LYST: variants seen among roughly 807,000 people sequenced by gnomAD.
The protein encoded by LYST is lysosomal trafficking regulator.
LYST carries 192 observed loss-of-function variants against 413.6 expected under a neutral mutation model. The ratio of observed to expected loss-of-function variants is 0.46; its 90% CI spans 0.41 to 0.52. The LOEUF (loss-of-function observed/expected upper bound fraction) is 0.52, where lower values mean the gene tolerates loss of function less well. Ranked by LOEUF, LYST falls within the 20% of genes least tolerant of loss-of-function variation. The pLI, the probability that LYST is intolerant of heterozygous loss-of-function variation, is 0.00. For missense variants in LYST, 3,815 were observed against 4,499.9 expected, an observed-to-expected ratio of 0.85 and a Z score of 4.35; for synonymous variants, 1,525 against 1,567.3, an observed-to-expected ratio of 0.97 and a Z score of 0.64.
At chr1:235,695,628 A>AGT (rs1491168661) in intron 46 of LYST, among the ~76,000 whole-genome samples, 1 of 85,254 alleles carries the variant, frequency 1.2e-5, no homozygotes, top group African/African-American at 5.0e-5. Context: ...ACAGTACTCT[A>AGT]ATTTTTTTTT....
intron 47 of LYST, among the ~76,000 whole-genome samples, chr1:235,691,701 T>A (rs575030364): frequency 6.8e-6 from 1 of 146,888 alleles, no homozygotes; most frequent in Admixed American, 6.8e-5. Context: ...GATTCTCTCT[T>A]TTTTTTTTTT....
chr1:235,758,910 T>C lies in LYST; in HGVS notation c.6881+62A>G. On this transcript the variant is annotated intron_variant, in intron 23 of 52. Coordinates refer to ENST00000389793, the MANE Select transcript of LYST (RefSeq NM_000081.4). ...CATAATGAAGACGTTTCCAGAGGGG[T>C]AGAGAGTCTTTAAAGAATAGTAAAA... 4.7e-6 allele frequency: 7 copies of C among 1,502,782 alleles called. No homozygotes were observed. The South Asian group carries it at 8.0e-5, about 17-fold the overall frequency. 93.1% of individuals were successfully genotyped at this position (1,502,782 alleles called of 1,614,324 possible). A position where few individuals can be genotyped will look rare whatever the true frequency, so the allele number is the denominator to read the frequency against.
chr1:235,752,907 C>T, intron 26 of LYST, 137 bp downstream of exon 26: 10 of 482,796 alleles, frequency 2.1e-5, no homozygotes, highest in Admixed American at 3.7e-5. Flanking sequence ...TATTTTTTTA[C>T]TTTTATTTTA....
chr1:235,826,344 T>G (rs1675333972), intron 3 of LYST, among the ~76,000 whole-genome samples: 2 of 152,248 alleles, frequency 1.3e-5, no homozygotes, highest in Non-Finnish European at 1.5e-5. Context: ...AAAGCAGCTT[T>G]ATTCATAATA....
At chr1:235,709,426 A>AAGTATAAACAGT in intron 43 of LYST, 118 bp from the exon 44 acceptor site, 3 of 772,596 alleles carry the variant, frequency 3.9e-6, no homozygotes, top group Admixed American at 2.1e-5. Context: ...CAAAAAAGGG[A>AAGTATAAACAGT]ATAGCAAGGA....
intron 10 of LYST, among the ~76,000 whole-genome samples, chr1:235,793,958 G>A (rs536886660): frequency 4.5e-4 from 69 of 151,982 alleles, no homozygotes; most frequent in African/African-American, 1.6e-3. Flanking sequence ...TCAGCCTCCC[G>A]AGGAGCTGGG....
At chr1:235,828,812 T>C (rs1169738771) in intron 3 of LYST, 3 of 789,268 alleles carry the variant, frequency 3.8e-6, no homozygotes, top group Non-Finnish European at 4.6e-6. Context: ...ACATGATTTT[T>C]TCTGATTTTA....
At chr1:235,685,071 C>T (rs1043632944) in intron 48 of LYST, among the ~76,000 whole-genome samples, 8 of 152,190 alleles carry the variant, frequency 5.3e-5, no homozygotes, top group Non-Finnish European at 1.2e-4. Context: ...CCCCAAAATC[C>T]CCATGCCTTT....
At chr1:235,802,331 A>G (rs554345380) in intron 8 of LYST, among the ~76,000 whole-genome samples, 9 of 152,228 alleles carry the variant, frequency 5.9e-5, no homozygotes, top group African/African-American at 2.2e-4. Flanking sequence ...TTTAAGTCCA[A>G]AGACAAGGGA....
intron 45 of LYST, among the ~76,000 whole-genome samples, chr1:235,698,618 T>A (rs1436538242): frequency 6.6e-6 from 1 of 152,172 alleles, no homozygotes; most frequent in Non-Finnish European, 1.5e-5. Context: ...AAGCCTGTAA[T>A]CCCAGCACTT....
chr1:235,755,321 G>A (rs984913319), intron 25 of LYST, among the ~76,000 whole-genome samples, 157 bp downstream of exon 25: 4 of 151,548 alleles, frequency 2.6e-5, no homozygotes, highest in South Asian at 2.1e-4. Context: ...CCTGGGAGGC[G>A]GAAGTTGCAG....
chr1:235,857,183 C>T (rs1003441320), intron 1 of LYST, among the ~76,000 whole-genome samples: 9 of 152,046 alleles, frequency 5.9e-5, no homozygotes, highest in African/African-American at 2.2e-4. Context: ...TAGGCATAAA[C>T]CAGAGCCATC....
Position 235,759,494 on chromosome 1 carries a change from T to C in LYST, c.6359A>G (p.Lys2120Arg), listed in dbSNP as rs1378120054. The change falls in exon 23 of 53, where the codon AAA becomes AGA. Residue 2120 changes from lysine to arginine, a missense_variant. Coordinates refer to ENST00000389793, the MANE Select transcript of LYST (RefSeq NM_000081.4). ...ACTACAACCCAAACTTCCAGTCAGT[T>C]TTTGTGATTGCGTTAGTAGTGAAGA... is the stretch of plus-strand genomic sequence containing the variant. ...PTSSLLTQSQ[K>R]LTGSLGCSID... 1.9e-6 allele frequency: 3 copies of C among 1,614,130 alleles called. No individual in the cohort carries two copies. The highest frequency in any genetic ancestry group is 2.2e-5 in the South Asian group (2 of 91,080).
At chr1:235,752,832 G>C (rs762229971) in intron 26 of LYST, among the ~76,000 whole-genome samples, 1 of 151,896 alleles carries the variant, frequency 6.6e-6, no homozygotes, top group Non-Finnish European at 1.5e-5. Context: ...AGTTAATAAA[G>C]TAGCATACAG....
At chr1:235,865,624 G>A (rs558911113) in intron 1 of LYST, among the ~76,000 whole-genome samples, 6 of 152,148 alleles carry the variant, frequency 3.9e-5, no homozygotes, top group Non-Finnish European at 8.8e-5. Flanking sequence ...ATGGATGACA[G>A]CAAAGAGCTA....
chr1:235,858,242 C>T (rs1457931076), intron 1 of LYST, among the ~76,000 whole-genome samples: 1 of 152,176 alleles, frequency 6.6e-6, no homozygotes, highest in African/African-American at 2.4e-5. Context: ...AGCTGTGAGT[C>T]TTGGGAAAAG....
intron 3 of LYST, among the ~76,000 whole-genome samples, chr1:235,816,333 C>A (rs1199822135): frequency 6.9e-6 from 1 of 145,004 alleles, no homozygotes; most frequent in Non-Finnish European, 1.5e-5. Flanking sequence ...CCCAGCTACT[C>A]GGGAGCTGAG....
chr1:235,765,872 T>C (rs1668092180), intron 21 of LYST, among the ~76,000 whole-genome samples: 2 of 152,130 alleles, frequency 1.3e-5, no homozygotes. Flanking sequence ...TATTTGAGTC[T>C]ATGTCTCCTT....
chr1:235,837,547 A>T (rs1441474889), intron 1 of LYST, among the ~76,000 whole-genome samples: 1 of 151,752 alleles, frequency 6.6e-6, no homozygotes, highest in East Asian at 1.9e-4. Context: ...GAACTGCTTG[A>T]ACCTGAAAGG....
Sources: allele counts gnomAD v4.1 joint callset (sites outside exome capture counted in the v4.1 genomes callset), GRCh38; gene constraint gnomAD v4.1.1; transcripts MANE v1.5; gene names NCBI Gene and HGNC (gene_info 2026-07-23, HGNC 2026-07-21).